FHIP1A: variants seen among roughly 807,000 people sequenced by gnomAD.
The protein encoded by FHIP1A is FHF complex subunit HOOK interacting protein 1A.
A neutral mutation model predicts 88.6 loss-of-function variants in FHIP1A; 61 were observed. The ratio of observed to expected loss-of-function variants is 0.69; its 90% CI spans 0.56 to 0.85. The LOEUF (loss-of-function observed/expected upper bound fraction) is 0.85. FHIP1A is among the 40% of genes least tolerant of loss of function. The pLI, the probability that FHIP1A is intolerant of heterozygous loss-of-function variation, is 0.00. For synonymous variants in FHIP1A, 478 were observed against 496.0 expected (o/e 0.96, Z 0.48); for missense variants, 1,154 against 1,273.5 (o/e 0.91, Z 1.43).
intron 3 of FHIP1A, among the ~76,000 whole-genome samples, chr4:151,535,973 G>C (rs765125089): frequency 1.3e-5 from 2 of 152,184 alleles, no homozygotes; most frequent in Non-Finnish European, 2.9e-5. Flanking sequence ...CTCTAAAAAT[G>C]GAATTGTTGG....
At chr4:151,527,461 C>T (rs1002562773) in intron 3 of FHIP1A, among the ~76,000 whole-genome samples, 21 of 152,090 alleles carry the variant, frequency 1.4e-4, no homozygotes, top group African/African-American at 1.7e-4. Flanking sequence ...TGCAGTGAGC[C>T]GAGATGGCAG....
chr4:151,578,590 A>G (rs1007129205), intron 5 of FHIP1A, among the ~76,000 whole-genome samples: 1 of 152,188 alleles, frequency 6.6e-6, no homozygotes, highest in African/African-American at 2.4e-5. Flanking sequence ...GGCCACGCTG[A>G]CAACAACAAA....
chr4:151,515,090 A>G (rs1050116252), intron 3 of FHIP1A, among the ~76,000 whole-genome samples: 5 of 152,182 alleles, frequency 3.3e-5, no homozygotes, highest in Admixed American at 6.5e-5. Context: ...GCAGCACATC[A>G]AAAAGCTTAT....
chr4:151,434,238 C>T (rs2709829), intron 1 of FHIP1A, among the ~76,000 whole-genome samples: 78,539 of 151,338 alleles, frequency 0.52, 20,610 homozygotes, highest in African/African-American at 0.55. Context: ...GGCTGTAAGT[C>T]CTAGTTTTCT....
At chr4:151,627,036 G>C (rs1055089430) in intron 7 of FHIP1A, among the ~76,000 whole-genome samples, 3 of 152,132 alleles carry the variant, frequency 2.0e-5, no homozygotes, top group African/African-American at 7.2e-5. Flanking sequence ...GGTATAAAAA[G>C]CTCCTGAAGG....
Position 151,559,425 on chromosome 4 carries a change from C to G in FHIP1A, c.-122-6713C>G, listed in dbSNP as rs114797728. Among the ~76,000 whole-genome samples the G allele has an allele frequency of 3.0e-3, 458 of 152,328 alleles. 3 individuals carry two copies. The highest frequency in any genetic ancestry group is 0.011 in the African/African-American group (441 of 41,582). ...TTCTTCAGCTGTCCCCCAGCCCCCA[C>G]TGCCCTGTGCTGACTCAGCCACCTT... On this transcript the variant is annotated intron_variant, in intron 3 of 13. Transcript: ENST00000435205.
intron 3 of FHIP1A, among the ~76,000 whole-genome samples, chr4:151,555,093 T>C (rs370153750): frequency 1.3e-5 from 2 of 152,268 alleles, no homozygotes; most frequent in African/African-American, 4.8e-5. Context: ...CACAGGGGGC[T>C]CTGTTCAGGC....
chr4:151,549,489 T>TAAAAA (rs57072592), intron 3 of FHIP1A, among the ~76,000 whole-genome samples: 1 of 112,720 alleles, frequency 8.9e-6, no homozygotes, highest in African/African-American at 3.4e-5. Context: ...AGACTCTGTC[T>TAAAAA]AAAAAAAAAA....
chr4:151,624,313 G>C (rs757260625), intron 7 of FHIP1A, among the ~76,000 whole-genome samples: 10 of 152,266 alleles, frequency 6.6e-5, no homozygotes, highest in Non-Finnish European at 1.2e-4. Context: ...GGGAAGCAGC[G>C]CTCAGTGAGG....
At chr4:151,467,656 A>C (rs959028044) in intron 2 of FHIP1A, among the ~76,000 whole-genome samples, 6 of 152,236 alleles carry the variant, frequency 3.9e-5, no homozygotes, top group African/African-American at 1.2e-4. Context: ...ACCATAAAAA[A>C]GAATGAGATC....
At chr4:151,420,787 C>G (rs1390703955) in intron 1 of FHIP1A, among the ~76,000 whole-genome samples, 1 of 152,170 alleles carries the variant, frequency 6.6e-6, no homozygotes, top group Non-Finnish European at 1.5e-5. Context: ...TTTTAAAGCA[C>G]TAAGATCAAC....
intron 3 of FHIP1A, among the ~76,000 whole-genome samples, chr4:151,502,072 T>C (rs764267471): frequency 4.6e-5 from 7 of 150,788 alleles, no homozygotes; most frequent in African/African-American, 1.7e-4. Context: ...TCCCAGCACT[T>C]TGGTAGGTCA....
At chr4:151,573,400 C>T (rs1733669970) in intron 4 of FHIP1A, among the ~76,000 whole-genome samples, 1 of 152,120 alleles carries the variant, frequency 6.6e-6, no homozygotes, top group Admixed American at 6.5e-5. Flanking sequence ...AGCTGGTTTA[C>T]TTAATTAATG....
intron 3 of FHIP1A, among the ~76,000 whole-genome samples, chr4:151,527,342 C>G (rs985521482): frequency 1.3e-5 from 2 of 152,186 alleles, no homozygotes; most frequent in Admixed American, 1.3e-4. Context: ...GCCAACACAG[C>G]GAAACCCCGT....
intron 1 of FHIP1A, among the ~76,000 whole-genome samples, chr4:151,438,859 G>A (rs960591083): frequency 2.6e-5 from 4 of 151,788 alleles, no homozygotes; most frequent in Admixed American, 2.0e-4. Context: ...GCTCAGGCTG[G>A]GCGTGAGCTT....
At chr4:151,501,748 C>T (rs1055286554) in intron 3 of FHIP1A, among the ~76,000 whole-genome samples, 3 of 146,440 alleles carry the variant, frequency 2.0e-5, no homozygotes, top group East Asian at 3.9e-4. Flanking sequence ...ATTCAAGGTC[C>T]TTTGCTTATT....
At chr4:151,599,862 C>G (rs745778254) in intron 7 of FHIP1A, among the ~76,000 whole-genome samples, 5 of 152,142 alleles carry the variant, frequency 3.3e-5, no homozygotes, top group Non-Finnish European at 5.9e-5. Context: ...TTATAGAGAC[C>G]TCTTTCCTGG....
chr4:151,562,267 G>A (rs1733201394), intron 3 of FHIP1A, among the ~76,000 whole-genome samples: 1 of 151,916 alleles, frequency 6.6e-6, no homozygotes, highest in Admixed American at 6.6e-5. Context: ...AGTAATATCA[G>A]GAGGGATGAA....
chr4:151,448,668 T>A (rs1055019122), intron 1 of FHIP1A, among the ~76,000 whole-genome samples: 1 of 152,210 alleles, frequency 6.6e-6, no homozygotes, highest in Non-Finnish European at 1.5e-5. Context: ...AATACTCCAG[T>A]GTATGTGTAT....
Sources: allele counts gnomAD v4.1 joint callset (sites outside exome capture counted in the v4.1 genomes callset), GRCh38; gene constraint gnomAD v4.1.1; transcripts MANE v1.5; gene names NCBI Gene and HGNC (gene_info 2026-07-23, HGNC 2026-07-21).